The following MEIS2 variants were observed in gnomAD, a reference collection of about 807,000 sequenced individuals.
MEIS2 encodes the protein homeobox protein Meis2.
In MEIS2, 9 loss-of-function variants were observed where a neutral mutation model predicts 58.6. The ratio of observed to expected loss-of-function variants is 0.15; its 90% confidence interval spans 0.09 to 0.27. The LOEUF is 0.27. Among genes scored for constraint, MEIS2 ranks in the 10% least tolerant of loss-of-function variants. MEIS2 has a pLI of 1.00. For missense variants in MEIS2, 427 were observed against 635.0 expected (o/e 0.67, Z 3.52); for synonymous variants, 221 against 228.4 (o/e 0.97, Z 0.29).
At chr15:37,090,477 T>C (rs1271458924) in intron 6 of MEIS2, among the ~76,000 whole-genome samples, 1 of 152,188 alleles carries the variant, frequency 6.6e-6, no homozygotes, top group Non-Finnish European at 1.5e-5. Context: ...ACTAATAATA[T>C]ATAAAACTTA....
rs577122586 is a variant in MEIS2 at position 37,084,073 on chromosome 15, T to C, written c.640-188A>G. ...AATAGGTATATAAAAGAAAAGATGTTCTAGAACTTGATGTGGTGATGGTTA... is the reference window on the plus strand; with the variant it reads ...AATAGGTATATAAAAGAAAAGATGTCCTAGAACTTGATGTGGTGATGGTTA... On this transcript the variant is annotated intron_variant, in intron 6 of 11. Coordinates refer to ENST00000561208, the MANE Select transcript of MEIS2 (RefSeq NM_170675.5). Among the ~76,000 whole-genome samples the C allele has an allele frequency of 3.9e-5, 6 of 152,296 alleles. No individual in the cohort carries two copies. In the South Asian group the frequency reaches 1.2e-3, roughly 32 times the overall value.
chr15:37,083,844 G>A lies in MEIS2; in HGVS notation c.681C>T (p.Thr227=). 1 of 1,614,096 alleles carries A rather than the reference G, an allele frequency of 6.2e-7. No homozygotes were observed. The highest frequency in any genetic ancestry group is 8.5e-7 in the Non-Finnish European group (1 of 1,179,994). ...AGGGCCCTGGGGTGCCTGCTGAGTG[G>A]GTTGAGGTTGCATCATCGTGGTCTC... ...SWRDHDDATS[T]HSAGTPGPSS... The change falls in exon 7 of 12, where the codon ACC becomes ACT. Residue 227 remains threonine, a synonymous_variant. Coordinates refer to ENST00000561208, the MANE Select transcript of MEIS2 (RefSeq NM_170675.5).
intron 7 of MEIS2, among the ~76,000 whole-genome samples, chr15:37,038,241 T>C (rs2062244375): frequency 6.6e-6 from 1 of 152,382 alleles, no homozygotes; most frequent in South Asian, 2.1e-4. Context: ...GGATGCTCTG[T>C]AGCTTTCTGA....
At chr15:37,005,040 GT>G (rs909109091) in intron 8 of MEIS2, among the ~76,000 whole-genome samples, 2 of 152,118 alleles carry the variant, frequency 1.3e-5, no homozygotes, top group African/African-American at 2.4e-5. Context: ...GGAGCCTCTG[GT>G]TGATTTTACC....
chr15:36,955,533 T>C (rs1315233692), intron 8 of MEIS2, among the ~76,000 whole-genome samples: 1 of 152,202 alleles, frequency 6.6e-6, no homozygotes, highest in Non-Finnish European at 1.5e-5. Flanking sequence ...GTCTCTGTTA[T>C]GGTAAAATGA....
At chr15:37,084,703 G>A (rs897837771) in intron 6 of MEIS2, among the ~76,000 whole-genome samples, 1 of 152,118 alleles carries the variant, frequency 6.6e-6, no homozygotes, top group African/African-American at 2.4e-5. Flanking sequence ...ATGCTACTTG[G>A]CTGAGTATAT....
chr15:37,099,309 G>A, intron 1 of MEIS2, 146 bp downstream of exon 1: 2 of 1,540,554 alleles, frequency 1.3e-6, no homozygotes, highest in South Asian at 1.2e-5. Flanking sequence ...AGAAGCCGAT[G>A]AATAATTTTG....
At chr15:36,900,234 G>A (rs1458613334) in intron 9 of MEIS2, among the ~76,000 whole-genome samples, 1 of 152,074 alleles carries the variant, frequency 6.6e-6, no homozygotes, top group African/African-American at 2.4e-5. Context: ...TAAGCTTAGT[G>A]TCTAGCTCTA....
At chr15:36,979,753 A>G (rs1162607087) in intron 8 of MEIS2, among the ~76,000 whole-genome samples, 1 of 147,456 alleles carries the variant, frequency 6.8e-6, no homozygotes, top group Non-Finnish European at 1.5e-5. Context: ...AAATATATAT[A>G]TAACATATAT....
chr15:37,030,553 T>C (rs2061874710), intron 8 of MEIS2, among the ~76,000 whole-genome samples: 1 of 152,062 alleles, frequency 6.6e-6, no homozygotes, highest in Non-Finnish European at 1.5e-5. Context: ...CCCAGGCTGG[T>C]CTTGAACTCC....
In MEIS2 at chr15:37,093,849, G is replaced by A. The variant is rs1042384369; in HGVS notation, c.490-119C>T. ...TTACATTTGCAAAGAGCAACAGTGTGATGTCTTCCAAACTAACTCTAATTA... is the reference window on the plus strand; with the variant it reads ...TTACATTTGCAAAGAGCAACAGTGTAATGTCTTCCAAACTAACTCTAATTA... On this transcript the variant is annotated intron_variant, in intron 5 of 11. Coordinates refer to ENST00000561208, the MANE Select transcript of MEIS2 (RefSeq NM_170675.5). The A allele has an allele frequency of 3.1e-6, 4 of 1,287,186 alleles. No homozygotes were observed. In the African/African-American group the frequency reaches 5.9e-5, roughly 19 times the overall value. 79.7% of individuals were successfully genotyped at this position (1,287,186 alleles called of 1,614,324 possible). A position where few individuals can be genotyped will look rare whatever the true frequency, so the allele number is the denominator to read the frequency against.
chr15:37,013,584 T>TTA (rs1003198840), intron 8 of MEIS2, among the ~76,000 whole-genome samples: 26 of 146,926 alleles, frequency 1.8e-4, no homozygotes, highest in African/African-American at 2.5e-4. Flanking sequence ...AAAAAAAAAA[T>TTA]TATATATATA....
intron 6 of MEIS2, among the ~76,000 whole-genome samples, chr15:37,084,808 A>G (rs1892681389): frequency 6.6e-6 from 1 of 152,216 alleles, no homozygotes; most frequent in Non-Finnish European, 1.5e-5. Flanking sequence ...GAAGGACTTT[A>G]TCAGCACCAC....
intron 9 of MEIS2, among the ~76,000 whole-genome samples, chr15:36,920,399 G>A (rs1052512955): frequency 1.9e-4 from 29 of 152,186 alleles, no homozygotes; most frequent in African/African-American, 6.0e-4. Flanking sequence ...CACCCGCCTC[G>A]GCCTCCCAAA....
At chr15:37,005,467 C>A (rs915798520) in intron 8 of MEIS2, among the ~76,000 whole-genome samples, 24 of 152,288 alleles carry the variant, frequency 1.6e-4, no homozygotes, top group African/African-American at 5.8e-4. Flanking sequence ...CCTCCAGGGA[C>A]CAGCATGTCA....
At chr15:37,054,464 T>C (rs748395989) in intron 7 of MEIS2, among the ~76,000 whole-genome samples, 8 of 152,368 alleles carry the variant, frequency 5.3e-5, no homozygotes, top group Non-Finnish European at 1.0e-4. Context: ...TTGCCCAGGC[T>C]GGACTGCCGT....
At chr15:37,015,652 C>T (rs549032234) in intron 8 of MEIS2, among the ~76,000 whole-genome samples, 1 of 151,974 alleles carries the variant, frequency 6.6e-6, no homozygotes, top group Non-Finnish European at 1.5e-5. Context: ...ATCAGAAAGG[C>T]CTGGATGCTC....
At chr15:37,080,986 C>T (rs1353486216) in intron 7 of MEIS2, among the ~76,000 whole-genome samples, 1 of 152,116 alleles carries the variant, frequency 6.6e-6, no homozygotes, top group East Asian at 1.9e-4. Flanking sequence ...AGCTGTTTCA[C>T]TATCAGGTCA....
At chr15:37,079,264 T>A (rs1891874411) in intron 7 of MEIS2, among the ~76,000 whole-genome samples, 1 of 152,190 alleles carries the variant, frequency 6.6e-6, no homozygotes, top group Non-Finnish European at 1.5e-5. Flanking sequence ...AAAAAAAATG[T>A]CATTGTATTT....
Sources: gnomAD v4.1 joint callset for allele counts (sites outside exome capture counted in the v4.1 genomes callset) on GRCh38, gnomAD v4.1.1 for gene constraint, MANE v1.5 for transcripts, NCBI Gene and HGNC (gene_info 2026-07-23, HGNC 2026-07-21) for gene names.